Variants in ATP8A2 observed in about 807,000 individuals in gnomAD.
ATP8A2 encodes phospholipid-transporting ATPase IB.
A neutral mutation model predicts 165.6 loss-of-function variants in ATP8A2; 100 were observed. That is an observed-to-expected ratio of 0.60 (90% confidence interval 0.51 to 0.71). The LOEUF (loss-of-function observed/expected upper bound fraction) is 0.71, where lower values mean the gene tolerates loss of function less well. Ranked by LOEUF, ATP8A2 falls within the 30% of genes least tolerant of loss-of-function variation. The pLI is 0.00. For synonymous variants in ATP8A2, 543 were observed against 548.8 expected, an observed-to-expected ratio of 0.99 and a Z score of 0.15; for missense variants, 1,227 against 1,479.5, an observed-to-expected ratio of 0.83 and a Z score of 2.80.
chr13:25,691,555 A>C (rs1295933928), intron 24 of ATP8A2, among the ~76,000 whole-genome samples: 3 of 152,224 alleles, frequency 2.0e-5, no homozygotes, highest in Non-Finnish European at 4.4e-5. Context: ...AGATAACCTG[A>C]GGGTACCAGA....
In ATP8A2 at chr13:25,577,057, T is replaced by TTTTTTTTC; in HGVS notation, c.1713-12_1713-11insTTTTTTTC. The TTTTTTTTC allele has an allele frequency of 6.2e-7, 1 of 1,611,506 alleles. No homozygotes were observed. The highest frequency in any genetic ancestry group is 1.1e-5 in the South Asian group (1 of 90,926). On this transcript the variant is annotated splice_polypyrimidine_tract_variant and intron_variant, in intron 19 of 36. Transcript: ENST00000381655. ...CAGACCAATGATGACTTTTTTTTTT[T>TTTTTTTTC]CACTCTCCCAGTGACAGAAAAAGAA... is the stretch of plus-strand genomic sequence containing the variant.
intron 25 of ATP8A2, among the ~76,000 whole-genome samples, chr13:25,752,722 G>A (rs1184192331): frequency 6.6e-6 from 1 of 152,176 alleles, no homozygotes; most frequent in South Asian, 2.1e-4. Context: ...GCCAGTGCTT[G>A]TTTGCCCACA....
chr13:25,488,190 A>G (rs2036411900), intron 2 of ATP8A2, among the ~76,000 whole-genome samples: 1 of 151,904 alleles, frequency 6.6e-6, no homozygotes. Context: ...ACATAACATG[A>G]AATTTATCTT....
At chr13:25,976,875 G>A (rs1357259667) in intron 35 of ATP8A2, among the ~76,000 whole-genome samples, 1 of 152,096 alleles carries the variant, frequency 6.6e-6, no homozygotes, top group Non-Finnish European at 1.5e-5. Context: ...TGCAACCTCT[G>A]CCTCCCAGGT....
intron 11 of ATP8A2, 130 bp downstream of exon 11, chr13:25,551,633 C>T: frequency 1.3e-6 from 1 of 772,378 alleles, no homozygotes; most frequent in Non-Finnish European, 2.0e-6. Flanking sequence ...TAATGCCAGC[C>T]TTTCAAGGAG....
chr13:25,515,377 A>G (rs2037433387), intron 2 of ATP8A2, among the ~76,000 whole-genome samples: 1 of 152,234 alleles, frequency 6.6e-6, no homozygotes, highest in African/African-American at 2.4e-5. Flanking sequence ...CTGCATTATT[A>G]TTTTAAAAAT....
chr13:25,889,318 T>C (rs1953280055), intron 33 of ATP8A2, among the ~76,000 whole-genome samples: 1 of 149,150 alleles, frequency 6.7e-6, no homozygotes, highest in Non-Finnish European at 1.5e-5. Flanking sequence ...CAAAAATCCT[T>C]GTATTGAAAG....
At chr13:25,433,936 C>T (rs2034682389) in intron 1 of ATP8A2, among the ~76,000 whole-genome samples, 1 of 152,070 alleles carries the variant, frequency 6.6e-6, no homozygotes, top group Admixed American at 6.5e-5. Context: ...TACACATGGA[C>T]ATAAAGATGG....
chr13:25,839,952 G>A lies in ATP8A2; in HGVS notation c.2956+328G>A, dbSNP rs558065498. Among the ~76,000 whole-genome samples, 5 of 152,258 alleles carry A rather than the reference G, an allele frequency of 3.3e-5. No homozygotes were observed. In the East Asian group the frequency reaches 7.7e-4, roughly 24 times the overall value. On this transcript the variant is annotated intron_variant, in intron 30 of 36. Transcript: ENST00000381655. Reference sequence around the variant, plus strand: ...AATGAAATGTTGATGCTTTTTGTCCGTGGTTTGAAATTCTCTTTTAATTAC... The same window carrying A: ...AATGAAATGTTGATGCTTTTTGTCCATGGTTTGAAATTCTCTTTTAATTAC...
At chr13:25,460,560 T>C (rs2035477750) in intron 1 of ATP8A2, among the ~76,000 whole-genome samples, 2 of 152,234 alleles carry the variant, frequency 1.3e-5, no homozygotes, top group African/African-American at 4.8e-5. Context: ...TACATTTCCT[T>C]AAAAGCACAT....
chr13:25,711,685 G>T (rs2043162640), intron 25 of ATP8A2, among the ~76,000 whole-genome samples: 1 of 152,170 alleles, frequency 6.6e-6, no homozygotes, highest in Non-Finnish European at 1.5e-5. Context: ...TTCCACTAGG[G>T]TCACAAGTCT....
intron 33 of ATP8A2, among the ~76,000 whole-genome samples, chr13:25,899,604 C>A (rs9553669): frequency 0.057 from 8,704 of 152,102 alleles, 384 homozygotes; most frequent in East Asian, 0.18. Context: ...GTGGTGTCCG[C>A]ACCAGGGGAG....
intron 33 of ATP8A2, chr13:25,867,929 T>G (rs1316075824): frequency 8.9e-6 from 2 of 224,778 alleles, no homozygotes; most frequent in East Asian, 2.5e-4. Context: ...TTTTATTGTT[T>G]TATTACTTTT....
chr13:25,947,450 G>A (rs1269924608), intron 33 of ATP8A2, among the ~76,000 whole-genome samples: 2 of 152,120 alleles, frequency 1.3e-5, no homozygotes, highest in Admixed American at 6.5e-5. Flanking sequence ...TGTGGGGTGG[G>A]AGAAGTCTTT....
rs542405247 is a variant in ATP8A2, at chr13:25,880,386, A to T, written c.3183+17978A>T. Among the ~76,000 whole-genome samples, 17 of 152,140 alleles carry T rather than the reference A, an allele frequency of 1.1e-4. 1 individual carries two copies. In the South Asian group the frequency reaches 3.5e-3, roughly 32 times the overall value. ...GTCCAGTCAGGAACAACAAAAAAAA[A>T]AAAAAAAAAGGAAGAGGGGAAAAAT... On this transcript the variant is annotated intron_variant, in intron 33 of 36. Coordinates refer to ENST00000381655, the MANE Select transcript of ATP8A2 (RefSeq NM_016529.6).
At chr13:25,511,904 T>TA (rs1411630594) in intron 2 of ATP8A2, among the ~76,000 whole-genome samples, 20 of 151,594 alleles carry the variant, frequency 1.3e-4, no homozygotes, top group African/African-American at 4.1e-4. Context: ...TTTTTTTTTT[T>TA]ATTGATCATT....
chr13:25,828,223 T>C (rs551920189), intron 28 of ATP8A2, 31 bp downstream of exon 28: 2 of 1,546,372 alleles, frequency 1.3e-6, no homozygotes, highest in South Asian at 2.2e-5. Context: ...TCTGATAGCA[T>C]GCAGAACTTA....
At chr13:25,775,077 G>A (rs1404477447) in intron 27 of ATP8A2, 118 bp downstream of exon 27, 2 of 616,624 alleles carry the variant, frequency 3.2e-6, no homozygotes, top group East Asian at 5.8e-5. Context: ...ATGCTGCTGT[G>A]ACTTTCTACA....
intron 33 of ATP8A2, chr13:25,871,144 T>A (rs1952668456): frequency 2.7e-6 from 1 of 374,488 alleles, no homozygotes; most frequent in Non-Finnish European, 5.2e-6. Flanking sequence ...TGTTGTGGTG[T>A]TGGCATTTGT....
Sources: gnomAD v4.1 joint callset for allele counts (sites outside exome capture counted in the v4.1 genomes callset) on GRCh38, gnomAD v4.1.1 for gene constraint, MANE v1.5 for transcripts, NCBI Gene and HGNC (gene_info 2026-07-23, HGNC 2026-07-21) for gene names.